Variants in DIP2B observed in about 807,000 individuals in gnomAD.
DIP2B encodes disco-interacting protein 2 homolog B.
In DIP2B, 76 loss-of-function variants were observed where a neutral mutation model predicts 198.0. The observed-to-expected ratio is 0.38, with a 90% CI of 0.32 to 0.46. The LOEUF (loss-of-function observed/expected upper bound fraction) is 0.46. Ranked by LOEUF, DIP2B falls within the 20% of genes least tolerant of loss-of-function variation. The pLI, the probability that DIP2B is intolerant of heterozygous loss-of-function variation, is 0.99. For missense variants in DIP2B, 1,559 were observed against 1,978.4 expected, an observed-to-expected ratio of 0.79 and a Z score of 4.02; for synonymous variants, 701 against 739.1, an observed-to-expected ratio of 0.95 and a Z score of 0.84.
chr12:50,674,475 G>C lies in DIP2B; in HGVS notation c.642G>C (p.Glu214Asp). Residue 214 changes from glutamate (E) to aspartate (D), a missense_variant and splice_region_variant, in exon 6 of 38, where the codon GAG becomes GAC. Glu to Asp is a conservative substitution (Grantham distance 45, BLOSUM62 2). Coordinates refer to ENST00000301180, the MANE Select transcript of DIP2B (RefSeq NM_173602.3). ...CTAAACTTTGTTTTCTCCTCTCAGA[G>C]AATTTCTCTGCTCCTCCTGATGTCA... ...LADVFANTRIENFSAPPDVTT... is the reference protein window; with the variant it reads ...LADVFANTRIDNFSAPPDVTT... The C allele has an allele frequency of 6.2e-7, 1 of 1,614,114 alleles. No individual in the cohort carries two copies. The highest frequency in any genetic ancestry group is 8.5e-7 in the Non-Finnish European group (1 of 1,180,002).
At chr12:50,559,313 C>CTTTTTTTTTTT (rs11301460) in intron 1 of DIP2B, among the ~76,000 whole-genome samples, 2 of 123,040 alleles carry the variant, frequency 1.6e-5, no homozygotes, top group Non-Finnish European at 1.7e-5. Context: ...AATTATTTGT[C>CTTTTTTTTTTT]TTTTTTTTTT....
intron 1 of DIP2B, among the ~76,000 whole-genome samples, chr12:50,534,613 C>G (rs949361786): frequency 6.6e-6 from 1 of 152,034 alleles, no homozygotes; most frequent in East Asian, 1.9e-4. Context: ...ATCCACCCAC[C>G]TCGGCCTCCC....
chr12:50,552,353 C>T (rs1180302031), intron 1 of DIP2B, among the ~76,000 whole-genome samples: 1 of 151,574 alleles, frequency 6.6e-6, no homozygotes, highest in Non-Finnish European at 1.5e-5. Context: ...CTGCAAGCTC[C>T]CCTCCCGGGT....
chr12:50,708,750 T>G (rs965260440), intron 22 of DIP2B, among the ~76,000 whole-genome samples, 188 bp downstream of exon 22: 6 of 152,280 alleles, frequency 3.9e-5, no homozygotes, highest in African/African-American at 1.4e-4. Context: ...GGTATTTTTC[T>G]GCTCAGGTTG....
At chr12:50,714,345 AAATGT>A in intron 22 of DIP2B, 45 bp from the exon 23 acceptor site, 1 of 1,603,988 alleles carries the variant, frequency 6.2e-7, no homozygotes, top group Middle Eastern at 1.7e-4. Flanking sequence ...GGAATATGTC[AAATGT>A]AATAGAAGTG....
At chr12:50,611,909 C>T (rs1008204516) in intron 1 of DIP2B, among the ~76,000 whole-genome samples, 1 of 151,568 alleles carries the variant, frequency 6.6e-6, no homozygotes, top group Non-Finnish European at 1.5e-5. Flanking sequence ...AAAAGAAAAG[C>T]AGATACAGGC....
At chr12:50,597,142 C>T (rs933352614) in intron 1 of DIP2B, among the ~76,000 whole-genome samples, 1 of 152,190 alleles carries the variant, frequency 6.6e-6, no homozygotes, top group Non-Finnish European at 1.5e-5. Flanking sequence ...TACACAAACT[C>T]TTCTGCACCT....
At chr12:50,541,616 C>G (rs1469410526) in intron 1 of DIP2B, among the ~76,000 whole-genome samples, 1 of 152,116 alleles carries the variant, frequency 6.6e-6, no homozygotes, top group Non-Finnish European at 1.5e-5. Context: ...TGACACCTTT[C>G]TAGATTTGGA....
chr12:50,704,353 G>A (rs918875409), intron 20 of DIP2B, 133 bp downstream of exon 20: 3 of 722,068 alleles, frequency 4.2e-6, no homozygotes, highest in Admixed American at 4.0e-5. Context: ...AGCAGTTCTT[G>A]TAAGGATGTC....
intron 26 of DIP2B, among the ~76,000 whole-genome samples, chr12:50,721,960 G>GTTGAAGGGATGTGAGTT (rs1939844144): frequency 1.3e-5 from 2 of 150,876 alleles, no homozygotes; most frequent in African/African-American, 2.4e-5. Context: ...CTTAGATGTT[G>GTTGAAGGGATGTGAGTT]TTGAAGGGGT....
intron 1 of DIP2B, among the ~76,000 whole-genome samples, chr12:50,555,004 A>T (rs779604760): frequency 2.0e-5 from 3 of 151,712 alleles, no homozygotes; most frequent in Non-Finnish European, 4.4e-5. Context: ...TCCTGACCTC[A>T]TGATCTGCCT....
chr12:50,674,583 C>T lies in DIP2B; in HGVS notation c.750C>T (p.Gly250=), dbSNP rs138376372. The change falls in exon 6 of 38, where the codon GGC becomes GGT. Residue 250 remains glycine, a synonymous_variant. Transcript: ENST00000301180. ...IDLPPSGIVK[G]MHKGSNRSSL... ...TGCCCCCCTCGGGGATAGTTAAAGG[C>T]ATGCACAAAGGATCCAACAGGTCCA... 6.2e-7 allele frequency: 1 copy of T among 1,614,062 alleles called. No individual in the cohort carries two copies. The highest frequency in any genetic ancestry group is 8.5e-7 in the Non-Finnish European group (1 of 1,180,048).
At chr12:50,623,431 A>ACACT (rs1937860307) in intron 1 of DIP2B, among the ~76,000 whole-genome samples, 1 of 51,696 alleles carries the variant, frequency 1.9e-5, no homozygotes, top group African/African-American at 8.0e-5. Context: ...ACACACACAC[A>ACACT]CACACACTCT....
chr12:50,676,727 A>G (rs1361762628), intron 7 of DIP2B, among the ~76,000 whole-genome samples: 1 of 152,266 alleles, frequency 6.6e-6, no homozygotes, highest in East Asian at 1.9e-4. Flanking sequence ...CTGAAAGAGC[A>G]TGCCCCAGAA....
chr12:50,615,321 T>C (rs538875048), intron 1 of DIP2B, among the ~76,000 whole-genome samples: 8 of 152,332 alleles, frequency 5.3e-5, no homozygotes, highest in South Asian at 4.1e-4. Context: ...TAGCACTGTT[T>C]TGTGCATAAT....
chr12:50,511,201 C>T (rs758209654), intron 1 of DIP2B, among the ~76,000 whole-genome samples: 1 of 151,552 alleles, frequency 6.6e-6, no homozygotes, highest in East Asian at 1.9e-4. Flanking sequence ...GCTTTGTCCT[C>T]GCAAAGTGCT....
At chr12:50,597,169 A>G (rs1958885856) in intron 1 of DIP2B, among the ~76,000 whole-genome samples, 1 of 152,178 alleles carries the variant, frequency 6.6e-6, no homozygotes, top group African/African-American at 2.4e-5. Flanking sequence ...TCACATAATT[A>G]TCTTAGAGAA....
At chr12:50,667,880 A>G (rs1323221006) in intron 4 of DIP2B, among the ~76,000 whole-genome samples, 1 of 152,184 alleles carries the variant, frequency 6.6e-6, no homozygotes, top group African/African-American at 2.4e-5. Flanking sequence ...TGGCACCAGT[A>G]TGGGTGCTTT....
chr12:50,593,717 T>C (rs1394966393), intron 1 of DIP2B, among the ~76,000 whole-genome samples: 62 of 11,200 alleles, frequency 5.5e-3, no homozygotes, highest in African/African-American at 0.014. Flanking sequence ...CCTCCTCTCC[T>C]CTCCTCTCCT....
Sources: gnomAD v4.1 joint callset for allele counts (sites outside exome capture counted in the v4.1 genomes callset) on GRCh38, gnomAD v4.1.1 for gene constraint, MANE v1.5 for transcripts, NCBI Gene and HGNC (gene_info 2026-07-23, HGNC 2026-07-21) for gene names.